The following CUL3 variants were observed in gnomAD, a reference collection of about 807,000 sequenced individuals.
CUL3 encodes cullin-3.
CUL3 carries 19 observed loss-of-function variants against 89.1 expected under a neutral mutation model. The ratio of observed to expected loss-of-function variants is 0.21; its 90% CI spans 0.15 to 0.31. The LOEUF (loss-of-function observed/expected upper bound fraction) is 0.31. Among genes scored for constraint, CUL3 ranks in the 10% least tolerant of loss-of-function variants. The pLI is 1.00. For missense variants in CUL3, 469 were observed against 942.3 expected, an observed-to-expected ratio of 0.50 and a Z score of 6.58; for synonymous variants, 351 against 308.4, an observed-to-expected ratio of 1.14 and a Z score of -1.45.
At chr2:224,568,638 A>G (rs1032198382) in intron 1 of CUL3, among the ~76,000 whole-genome samples, 1 of 152,210 alleles carries the variant, frequency 6.6e-6, no homozygotes, top group African/African-American at 2.4e-5. Context: ...ACATCAAGCA[A>G]TATTTTCAGA....
In CUL3 at chr2:224,511,373, C is replaced by T. The variant is rs777880933; in HGVS notation, c.864G>A (p.Leu288=). Residue 288 remains leucine, a synonymous_variant, in exon 6 of 16, where the codon TTG becomes TTA. Coordinates refer to ENST00000264414, the MANE Select transcript of CUL3 (RefSeq NM_003590.5). ...EMENSGLVHM[L]KNGKTEDLGC... ...ACTTACCTTCTGTCTTTCCATTTTT[C>T]AACATATGTACTAGCCCAGAATTCT... 16 of 1,604,736 alleles carry T rather than the reference C, an allele frequency of 1.0e-5. No individual in the cohort carries two copies. The highest frequency in any genetic ancestry group is 2.2e-5 in the East Asian group (1 of 44,552).
intron 11 of CUL3, 162 bp downstream of exon 11, chr2:224,500,201 A>T: frequency 1.4e-6 from 1 of 721,746 alleles, no homozygotes; most frequent in Non-Finnish European, 2.2e-6. Flanking sequence ...TCAAGATCCT[A>T]TAGAGGGGGA....
At chr2:224,489,787 A>G (rs1344869571) in intron 13 of CUL3, among the ~76,000 whole-genome samples, 2 of 152,238 alleles carry the variant, frequency 1.3e-5, no homozygotes, top group Non-Finnish European at 2.9e-5. Context: ...TTCAGGACAT[A>G]GGCATGGGCA....
intron 13 of CUL3, among the ~76,000 whole-genome samples, chr2:224,489,822 A>C (rs560570534): frequency 6.6e-6 from 1 of 152,332 alleles, no homozygotes; most frequent in South Asian, 2.1e-4. Flanking sequence ...AAAACACCAA[A>C]AGCAACTGCA....
At chr2:224,511,154 CATTAGAAAT>C (rs1692811236) in intron 6 of CUL3, among the ~76,000 whole-genome samples, 191 bp downstream of exon 6, 1 of 152,244 alleles carries the variant, frequency 6.6e-6, no homozygotes, top group South Asian at 2.1e-4. Flanking sequence ...ATGCTCAATT[CATTAGAAAT>C]ATCTAAAATC....
chr2:224,581,866 T>C (rs1695448184), intron 1 of CUL3, among the ~76,000 whole-genome samples: 1 of 152,062 alleles, frequency 6.6e-6, no homozygotes, highest in South Asian at 2.1e-4. Context: ...TAAATTACAG[T>C]AAGTATACAT....
Position 224,474,236 on chromosome 2 carries a change from G to A in CUL3, c.*9C>T. On this transcript the variant is annotated 3_prime_UTR_variant, in exon 16 of 16. Transcript: ENST00000264414. ...CAGTCCAAGAATAAATCAAATTTCT[G>A]AACGCATTTTATGCTACATATGTGT... 6.2e-7 allele frequency: 1 copy of A among 1,611,182 alleles called. No homozygotes were observed. The highest frequency in any genetic ancestry group is 8.5e-7 in the Non-Finnish European group (1 of 1,178,834).
intron 1 of CUL3, among the ~76,000 whole-genome samples, chr2:224,579,472 A>G (rs1478427676): frequency 6.6e-6 from 1 of 151,912 alleles, no homozygotes; most frequent in East Asian, 1.9e-4. Flanking sequence ...ACATTTCTGT[A>G]GCTCGAAGAA....
intron 3 of CUL3, among the ~76,000 whole-genome samples, chr2:224,524,874 T>C (rs1429285178): frequency 3.9e-5 from 6 of 152,252 alleles, no homozygotes; most frequent in African/African-American, 1.4e-4. Context: ...TCTAAGACCT[T>C]TGCCCTACCC....
At chr2:224,513,253 C>T (rs574320570) in intron 5 of CUL3, among the ~76,000 whole-genome samples, 3 of 152,146 alleles carry the variant, frequency 2.0e-5, no homozygotes, top group African/African-American at 7.2e-5. Flanking sequence ...TACACAGGGG[C>T]GTCAGCATCC....
intron 1 of CUL3, among the ~76,000 whole-genome samples, chr2:224,581,786 CAGGTGTGA>C (rs1382353477): frequency 1.8e-4 from 28 of 151,914 alleles, no homozygotes; most frequent in African/African-American, 6.3e-4. Flanking sequence ...GCTAGGATTA[CAGGTGTGA>C]AGGTGTGAAT....
chr2:224,563,781 C>A (rs1335993810), intron 1 of CUL3, among the ~76,000 whole-genome samples: 1 of 152,106 alleles, frequency 6.6e-6, no homozygotes, highest in African/African-American at 2.4e-5. Context: ...ACTTAACAGC[C>A]ATCTGGTTTA....
intron 1 of CUL3, among the ~76,000 whole-genome samples, chr2:224,570,074 C>G (rs1159636044): frequency 2.6e-5 from 4 of 151,260 alleles, no homozygotes; most frequent in South Asian, 2.1e-4. Flanking sequence ...AAACTGTAAG[C>G]ACCTCACAGT....
intron 15 of CUL3, among the ~76,000 whole-genome samples, chr2:224,476,837 A>G (rs955876854): frequency 1.8e-4 from 27 of 151,706 alleles, no homozygotes; most frequent in African/African-American, 2.4e-4. Flanking sequence ...TTTGGGGGGG[A>G]AAAAGCCCAA....
At chr2:224,491,249 T>C (rs1691964708) in intron 13 of CUL3, among the ~76,000 whole-genome samples, 1 of 152,214 alleles carries the variant, frequency 6.6e-6, no homozygotes, top group South Asian at 2.1e-4. Flanking sequence ...TAACTTGTAA[T>C]TCTCCCATTT....
intron 2 of CUL3, among the ~76,000 whole-genome samples, chr2:224,543,156 A>G (rs532171717): frequency 4.9e-4 from 74 of 152,362 alleles, no homozygotes; most frequent in African/African-American, 1.6e-3. Context: ...TTAATTCTAA[A>G]GTTCATTGAA....
chr2:224,536,312 A>G (rs1231306874), intron 2 of CUL3, among the ~76,000 whole-genome samples: 4 of 152,154 alleles, frequency 2.6e-5, no homozygotes, highest in South Asian at 2.1e-4. Context: ...CTCAATTCAC[A>G]TGGCTCGTCC....
chr2:224,525,071 A>G (rs78577886), intron 3 of CUL3, among the ~76,000 whole-genome samples: 1 of 152,078 alleles, frequency 6.6e-6, no homozygotes, highest in African/African-American at 2.4e-5. Context: ...GAAAAAAAAA[A>G]CAGGACAGTA....
Position 224,473,683 on chromosome 2 carries a change from A to G in CUL3, c.*562T>C, listed in dbSNP as rs1050399787. On this transcript the variant is annotated 3_prime_UTR_variant, in exon 16 of 16. Transcript: ENST00000264414. ...CTGGTCATAAGGCTAGAAGATGAGTAAGTGCAAGTGGTAGAATACAGCATG... is the reference window on the plus strand; with the variant it reads ...CTGGTCATAAGGCTAGAAGATGAGTGAGTGCAAGTGGTAGAATACAGCATG... The G allele has an allele frequency of 5.4e-6, 1 of 184,236 alleles. No homozygotes were observed. The highest frequency in any genetic ancestry group is 2.3e-5 in the African/African-American group (1 of 42,618). The allele number at this position is 184,236 out of a possible 1,614,324, so 11.4% of individuals were successfully genotyped here. A position where few individuals can be genotyped will look rare whatever the true frequency, so the allele number is the denominator to read the frequency against.
Sources: gnomAD v4.1 joint callset for allele counts (sites outside exome capture counted in the v4.1 genomes callset) on GRCh38, gnomAD v4.1.1 for gene constraint, MANE v1.5 for transcripts, NCBI Gene and HGNC (gene_info 2026-07-23, HGNC 2026-07-21) for gene names.